Variants in CAMK2D observed in about 807,000 individuals in gnomAD.
CAMK2D encodes the protein calcium/calmodulin-dependent protein kinase type II subunit delta.
Under a neutral mutation model 84.0 loss-of-function variants are expected in CAMK2D, and 37 were observed. The observed-to-expected ratio is 0.44, with a 90% CI of 0.34 to 0.58. The LOEUF (loss-of-function observed/expected upper bound fraction) is 0.58, where lower values mean the gene tolerates loss of function less well. CAMK2D is among the 20% of genes least tolerant of loss of function. The pLI is 0.02. For missense variants in CAMK2D, 448 were observed against 652.5 expected (o/e 0.69, Z 3.41); for synonymous variants, 202 against 212.5 (o/e 0.95, Z 0.43).
chr4:113,490,276 G>C (rs2097818895), intron 16 of CAMK2D, among the ~76,000 whole-genome samples: 1 of 149,910 alleles, frequency 6.7e-6, no homozygotes, highest in African/African-American at 2.5e-5. Flanking sequence ...ATGGTTTTAG[G>C]TCTAACGTTT....
At chr4:113,617,462 TAA>T (rs201933436) in intron 3 of CAMK2D, among the ~76,000 whole-genome samples, 58 of 142,640 alleles carry the variant, frequency 4.1e-4, no homozygotes, top group African/African-American at 4.9e-4. Flanking sequence ...TACCCTGTCT[TAA>T]AAAAAAAAAA....
intron 17 of CAMK2D, among the ~76,000 whole-genome samples, chr4:113,463,149 G>A (rs184984612): frequency 5.8e-4 from 89 of 152,144 alleles, no homozygotes; most frequent in African/African-American, 2.1e-3. Context: ...ATAAGAAGAA[G>A]CTCCTGATAT....
intron 3 of CAMK2D, among the ~76,000 whole-genome samples, chr4:113,636,843 G>A (rs1287701750): frequency 2.0e-5 from 3 of 152,118 alleles, no homozygotes; most frequent in Admixed American, 6.5e-5. Context: ...ATGAATTGGG[G>A]AGGTGGGCAC....
chr4:113,526,402 G>A (rs1314305156), intron 8 of CAMK2D, among the ~76,000 whole-genome samples: 1 of 132,352 alleles, frequency 7.6e-6, no homozygotes, highest in Non-Finnish European at 1.6e-5. Flanking sequence ...AGTTTCTAAG[G>A]AGTCATTCTT....
At chr4:113,629,170 G>C (rs1419447654) in intron 3 of CAMK2D, among the ~76,000 whole-genome samples, 1 of 151,972 alleles carries the variant, frequency 6.6e-6, no homozygotes, top group East Asian at 1.9e-4. Context: ...TAAGTATCAG[G>C]CTGAACAGAA....
At chr4:113,462,292 GTGTCTGTCTGTCTGTCTGTC>G (rs764313367) in intron 17 of CAMK2D, among the ~76,000 whole-genome samples, 14 of 111,366 alleles carry the variant, frequency 1.3e-4, no homozygotes, top group East Asian at 7.1e-4. Context: ...GTGTGTGTGT[GTGTCTGTCTGTCTGTCTGTC>G]TGTCTGTCTG....
rs528331611 is a variant in CAMK2D at position 113,737,067 on chromosome 4, C to A, written c.160+22253G>T. On this transcript the variant is annotated intron_variant, in intron 2 of 20. Coordinates refer to ENST00000511664, the MANE Select transcript of CAMK2D (RefSeq NM_001321571.2). ...TAATAGTATTTGGGGGTAAAATGAT[C>A]TAGCACTTTCCTGTGTACAATAAAG... Among the ~76,000 whole-genome samples the A allele has an allele frequency of 5.5e-4, 84 of 152,236 alleles. 1 individual carries two copies. In the South Asian group the frequency reaches 0.017, roughly 31 times the overall value.
chr4:113,623,523 T>C (rs1353147719), intron 3 of CAMK2D, among the ~76,000 whole-genome samples: 1 of 152,262 alleles, frequency 6.6e-6, no homozygotes, highest in South Asian at 2.1e-4. Flanking sequence ...ACCTAGATGG[T>C]ATAGCCTACT....
chr4:113,685,966 A>C (rs2099358524), intron 2 of CAMK2D, among the ~76,000 whole-genome samples: 1 of 152,018 alleles, frequency 6.6e-6, no homozygotes, highest in African/African-American at 2.4e-5. Flanking sequence ...CGGGAGGCTG[A>C]GGCATGAAAA....
intron 6 of CAMK2D, among the ~76,000 whole-genome samples, chr4:113,544,860 G>C (rs890011684): frequency 3.9e-5 from 6 of 152,038 alleles, no homozygotes; most frequent in African/African-American, 1.4e-4. Flanking sequence ...TGGTGCCGAT[G>C]GATGTACCTT....
chr4:113,509,876 A>AAAT (rs1215114035), intron 12 of CAMK2D, among the ~76,000 whole-genome samples: 1 of 152,222 alleles, frequency 6.6e-6, no homozygotes, highest in East Asian at 1.9e-4. Context: ...TTGCCACAGC[A>AAAT]AATTTAGAAC....
At chr4:113,736,421 A>G (rs1342099281) in intron 2 of CAMK2D, among the ~76,000 whole-genome samples, 1 of 152,222 alleles carries the variant, frequency 6.6e-6, no homozygotes, top group East Asian at 1.9e-4. Context: ...TAATGTAGAA[A>G]GGCAACTTAC....
intron 2 of CAMK2D, among the ~76,000 whole-genome samples, chr4:113,755,403 T>C (rs62313096): frequency 0.13 from 20,393 of 151,862 alleles, 1,489 homozygotes; most frequent in Middle Eastern, 0.18. Flanking sequence ...CTTTTAACTT[T>C]AGCAATGGAG....
intron 4 of CAMK2D, among the ~76,000 whole-genome samples, chr4:113,568,469 A>G (rs2098736412): frequency 6.6e-6 from 1 of 152,168 alleles, no homozygotes; most frequent in Admixed American, 6.5e-5. Context: ...TTGTTTATGC[A>G]TTTATCTGTT....
chr4:113,630,693 A>G (rs950705316), intron 3 of CAMK2D, among the ~76,000 whole-genome samples: 2 of 152,168 alleles, frequency 1.3e-5, no homozygotes, highest in Non-Finnish European at 2.9e-5. Flanking sequence ...ACAGCCCTCG[A>G]CCACCACATT....
chr4:113,605,016 A>G (rs978366305), intron 4 of CAMK2D, among the ~76,000 whole-genome samples: 3 of 152,234 alleles, frequency 2.0e-5, no homozygotes, highest in Admixed American at 2.0e-4. Context: ...TTTGAGCTAA[A>G]GCTAAGTGAG....
chr4:113,704,772 G>T (rs1463600644), intron 2 of CAMK2D, among the ~76,000 whole-genome samples: 1 of 151,746 alleles, frequency 6.6e-6, no homozygotes, highest in Non-Finnish European at 1.5e-5. Flanking sequence ...CTAAAAACTA[G>T]ATCAAATTTA....
At chr4:113,720,726 C>T (rs915239205) in intron 2 of CAMK2D, among the ~76,000 whole-genome samples, 9 of 151,850 alleles carry the variant, frequency 5.9e-5, no homozygotes, top group African/African-American at 2.2e-4. Context: ...AAAAATCCCA[C>T]TATCCTTTCA....
intron 2 of CAMK2D, among the ~76,000 whole-genome samples, chr4:113,666,837 T>A (rs2099259366): frequency 6.6e-6 from 1 of 152,204 alleles, no homozygotes; most frequent in East Asian, 1.9e-4. Context: ...TTTCGGCTTG[T>A]CAGCTTAAGC....
Sources: gnomAD v4.1 joint callset for allele counts (sites outside exome capture counted in the v4.1 genomes callset) on GRCh38, gnomAD v4.1.1 for gene constraint, MANE v1.5 for transcripts, NCBI Gene and HGNC (gene_info 2026-07-23, HGNC 2026-07-21) for gene names.